The following ROR1 variants were observed in gnomAD, a reference collection of about 807,000 sequenced individuals.
ROR1 encodes ROR family WNT receptor 1.
ROR1 carries 19 observed loss-of-function variants against 78.8 expected under a neutral mutation model. The ratio of observed to expected loss-of-function variants is 0.24; its 90% CI spans 0.17 to 0.35. The LOEUF (loss-of-function observed/expected upper bound fraction) is 0.35. ROR1 is among the 10% of genes least tolerant of loss of function. ROR1 has a pLI of 1.00. For synonymous variants in ROR1, 386 were observed against 433.6 expected (o/e 0.89, Z 1.36); for missense variants, 917 against 1,177.8 (o/e 0.78, Z 3.24).
intron 4 of ROR1, among the ~76,000 whole-genome samples, chr1:64,137,007 C>A (rs1257545158): frequency 2.0e-5 from 3 of 152,126 alleles, no homozygotes; most frequent in African/African-American, 7.2e-5. Flanking sequence ...CAGAAATAAT[C>A]TGTGCTTAAA....
At chr1:63,961,177 C>CA (rs1646024508) in intron 1 of ROR1, among the ~76,000 whole-genome samples, 1 of 151,374 alleles carries the variant, frequency 6.6e-6, no homozygotes, top group Non-Finnish European at 1.5e-5. Context: ...AGGTCTGGAA[C>CA]AAAAAAACAA....
intron 4 of ROR1, among the ~76,000 whole-genome samples, chr1:64,127,154 G>T (rs1404815430): frequency 1.3e-5 from 2 of 152,032 alleles, no homozygotes; most frequent in Non-Finnish European, 2.9e-5. Context: ...ACTTTACATG[G>T]CGGTGTTATT....
chr1:63,822,258 T>C (rs1172473104), intron 1 of ROR1, among the ~76,000 whole-genome samples: 1 of 152,208 alleles, frequency 6.6e-6, no homozygotes. Flanking sequence ...TGGCACATAG[T>C]GGATGCGAAA....
chr1:63,935,297 T>C (rs1262132380), intron 1 of ROR1, among the ~76,000 whole-genome samples: 3 of 152,116 alleles, frequency 2.0e-5, no homozygotes, highest in African/African-American at 4.8e-5. Context: ...CAGGAGATCA[T>C]TGGTCAGCAT....
At chr1:63,999,760 A>G (rs539789946) in intron 1 of ROR1, among the ~76,000 whole-genome samples, 3 of 152,354 alleles carry the variant, frequency 2.0e-5, no homozygotes, top group Admixed American at 1.3e-4. Context: ...CCAAATGAAC[A>G]TAAGGAGTTG....
intron 8 of ROR1, among the ~76,000 whole-genome samples, chr1:64,161,587 T>C (rs1291517990): frequency 3.3e-5 from 5 of 152,062 alleles, no homozygotes; most frequent in Non-Finnish European, 7.4e-5. Flanking sequence ...CAGAGACAAA[T>C]GTGAAATATA....
intron 1 of ROR1, among the ~76,000 whole-genome samples, chr1:63,897,929 C>T (rs1317222576): frequency 6.6e-6 from 1 of 152,192 alleles, no homozygotes; most frequent in Non-Finnish European, 1.5e-5. Flanking sequence ...CCATCTTCAA[C>T]CTGTGTCTTC....
chr1:63,918,669 T>G (rs1645629257), intron 1 of ROR1, among the ~76,000 whole-genome samples: 1 of 152,188 alleles, frequency 6.6e-6, no homozygotes, highest in Admixed American at 6.5e-5. Context: ...AATTTTCTTG[T>G]GAAACACTCT....
Position 63,774,307 on chromosome 1 carries a change from C to T in ROR1, c.-111C>T. On this transcript the variant is annotated 5_prime_UTR_variant, in exon 1 of 9. Coordinates refer to ENST00000371079, the MANE Select transcript of ROR1 (RefSeq NM_005012.4). The surrounding 1 kb of genome is among the most constrained non-coding windows in gnomAD (Gnocchi z 5.7). Reference sequence around the variant, plus strand: ...AGAGCTTTGCAGACGTCCCCGGCGTCCTGCGAGCGCCAGCGGCCGGGACGA... The same window carrying T: ...AGAGCTTTGCAGACGTCCCCGGCGTTCTGCGAGCGCCAGCGGCCGGGACGA... 1.7e-6 allele frequency: 1 copy of T among 576,682 alleles called. No individual in the cohort carries two copies. The highest frequency in any genetic ancestry group is 2.6e-6 in the Non-Finnish European group (1 of 382,250). 35.7% of individuals were successfully genotyped at this position (576,682 alleles called of 1,614,324 possible). A position where few individuals can be genotyped will look rare whatever the true frequency, so the allele number is the denominator to read the frequency against.
chr1:63,930,350 A>G (rs1339226568), intron 1 of ROR1, among the ~76,000 whole-genome samples: 1 of 152,240 alleles, frequency 6.6e-6, no homozygotes, highest in Admixed American at 6.5e-5. Context: ...AAAGCAAGTC[A>G]TAGGCTAAAT....
intron 1 of ROR1, among the ~76,000 whole-genome samples, chr1:63,858,300 A>G (rs1221278979): frequency 6.6e-6 from 1 of 152,160 alleles, no homozygotes; most frequent in Non-Finnish European, 1.5e-5. Context: ...TGTTGTTTAA[A>G]GACATCTCCA....
At chr1:64,174,888 A>G (rs1650334786) in intron 8 of ROR1, among the ~76,000 whole-genome samples, 1 of 152,108 alleles carries the variant, frequency 6.6e-6, no homozygotes, top group Admixed American at 6.5e-5. Context: ...CTCTCAAAGG[A>G]ATTCTACAAG....
At chr1:64,101,169 G>T (rs567564822) in intron 4 of ROR1, among the ~76,000 whole-genome samples, 1 of 152,250 alleles carries the variant, frequency 6.6e-6, no homozygotes, top group South Asian at 2.1e-4. Context: ...GCTCTGTGCA[G>T]AAAGTAAACA....
chr1:63,953,855 A>G (rs1257315418), intron 1 of ROR1, among the ~76,000 whole-genome samples: 1 of 152,226 alleles, frequency 6.6e-6, no homozygotes, highest in Non-Finnish European at 1.5e-5. Context: ...TGAAGATAAT[A>G]TGAAGGTCTT....
intron 1 of ROR1, among the ~76,000 whole-genome samples, chr1:63,968,141 C>T (rs573562977): frequency 2.0e-5 from 3 of 152,078 alleles, no homozygotes; most frequent in Admixed American, 6.5e-5. Context: ...TAGTTGTATC[C>T]GAAGCTAGTC....
Position 64,137,433 on chromosome 1 carries a change from G to C in ROR1, c.547G>C (p.Gly183Arg). ...AGGGATTGCATGTGCAAGATTTATT[G>C]GCAACCGCACCGTCTATATGGAGTC... ...YRGIACARFI[G>R]NRTVYMESLH... Residue 183 changes from glycine (G) to arginine (R), a missense_variant, in exon 5 of 9, where the codon GGC becomes CGC. Physicochemically the swap from Gly to Arg is moderately radical, Grantham distance 125 (BLOSUM62 -2). Coordinates refer to ENST00000371079, the MANE Select transcript of ROR1 (RefSeq NM_005012.4). 6.2e-7 allele frequency: 1 copy of C among 1,613,940 alleles called. No individual in the cohort carries two copies. Among genetic ancestry groups the C allele is most frequent in the Non-Finnish European group, 8.5e-7 (1 of 1,179,848 alleles).
intron 1 of ROR1, among the ~76,000 whole-genome samples, chr1:63,781,463 A>G (rs965251511): frequency 7.2e-5 from 11 of 152,184 alleles, no homozygotes; most frequent in Non-Finnish European, 1.3e-4. Context: ...TCTCAGATGT[A>G]TGCTCTTTTT....
intron 8 of ROR1, among the ~76,000 whole-genome samples, chr1:64,163,346 A>C (rs973436257): frequency 2.0e-5 from 3 of 151,900 alleles, no homozygotes; most frequent in Non-Finnish European, 2.9e-5. Context: ...TGAGCCTGGG[A>C]ATTTGAGGCT....
intron 2 of ROR1, among the ~76,000 whole-genome samples, chr1:64,016,500 A>G (rs1570063753): frequency 6.6e-6 from 1 of 152,072 alleles, no homozygotes; most frequent in East Asian, 1.9e-4. Flanking sequence ...TCTCACTTAC[A>G]TTTGTGGTTC....
Sources: allele counts gnomAD v4.1 joint callset (sites outside exome capture counted in the v4.1 genomes callset), GRCh38; gene constraint gnomAD v4.1.1; non-coding constraint Gnocchi (gnomAD v3.1); transcripts MANE v1.5; gene names NCBI Gene and HGNC (gene_info 2026-07-23, HGNC 2026-07-21).